Variants in SPIRE1 observed in about 807,000 individuals in gnomAD.
SPIRE1 encodes the protein protein spire homolog 1.
A neutral mutation model predicts 94.1 loss-of-function variants in SPIRE1; 40 were observed. That is an observed-to-expected ratio of 0.43 (90% CI 0.33 to 0.55). SPIRE1 has a LOEUF of 0.55. SPIRE1 is among the 20% of genes least tolerant of loss of function. The pLI is 0.06. For missense variants in SPIRE1, 838 were observed against 975.2 expected (o/e 0.86, Z 1.87); for synonymous variants, 376 against 371.7 (o/e 1.01, Z -0.13).
chr18:12,499,360 C>G (rs1475211612), intron 6 of SPIRE1, among the ~76,000 whole-genome samples: 1 of 152,038 alleles, frequency 6.6e-6, no homozygotes, highest in Non-Finnish European at 1.5e-5. Context: ...TTTTTTATAT[C>G]CTACACTGTT....
chr18:12,602,109 T>C (rs749407418), intron 2 of SPIRE1, among the ~76,000 whole-genome samples: 5 of 152,114 alleles, frequency 3.3e-5, no homozygotes, highest in African/African-American at 1.2e-4. Flanking sequence ...CATAAATACA[T>C]AGACATATAT....
chr18:12,477,729 G>T (rs982857797), intron 10 of SPIRE1, among the ~76,000 whole-genome samples: 5 of 152,110 alleles, frequency 3.3e-5, no homozygotes, highest in Non-Finnish European at 5.9e-5. Flanking sequence ...GACAAAGCGA[G>T]GCCACGCTGA....
intron 2 of SPIRE1, among the ~76,000 whole-genome samples, chr18:12,610,769 C>A (rs2037117254): frequency 6.6e-6 from 1 of 152,148 alleles, no homozygotes; most frequent in Non-Finnish European, 1.5e-5. Flanking sequence ...TTCTCTTCTT[C>A]CCTCCTGAAA....
chr18:12,522,544 A>C (rs2144105726), intron 4 of SPIRE1, among the ~76,000 whole-genome samples: 1 of 152,376 alleles, frequency 6.6e-6, no homozygotes, highest in Middle Eastern at 3.4e-3. Flanking sequence ...CATATTTTCA[A>C]TGTAGATGAA....
chr18:12,496,719 A>G (rs918661892), intron 6 of SPIRE1, among the ~76,000 whole-genome samples: 14 of 152,068 alleles, frequency 9.2e-5, no homozygotes, highest in African/African-American at 2.7e-4. Flanking sequence ...AATACAAAAA[A>G]TTAGCCGGGC....
At chr18:12,548,596 TTTTC>T (rs1406069117) in intron 2 of SPIRE1, among the ~76,000 whole-genome samples, 14 of 144,914 alleles carry the variant, frequency 9.7e-5, no homozygotes, top group Non-Finnish European at 1.7e-4. Flanking sequence ...GTAGCCATTC[TTTTC>T]TTTCTTTTTT....
At chr18:12,572,014 G>A (rs897928194) in intron 2 of SPIRE1, among the ~76,000 whole-genome samples, 1 of 152,236 alleles carries the variant, frequency 6.6e-6, no homozygotes, top group Non-Finnish European at 1.5e-5. Context: ...AGTTTAAACA[G>A]ACACCTGAAA....
intron 1 of SPIRE1, chr18:12,652,904 G>C (rs1282166151): frequency 6.6e-6 from 1 of 152,088 alleles, no homozygotes; most frequent in East Asian, 1.9e-4. Context: ...CTTCTAAAAG[G>C]ACTAAATGGA....
intron 2 of SPIRE1, among the ~76,000 whole-genome samples, chr18:12,602,548 T>C (rs1485863613): frequency 6.6e-6 from 1 of 152,190 alleles, no homozygotes. Context: ...GTTTTTGAGA[T>C]ATAGCCACTT....
At chr18:12,646,715 G>A (rs570466821) in intron 1 of SPIRE1, among the ~76,000 whole-genome samples, 13 of 152,200 alleles carry the variant, frequency 8.5e-5, no homozygotes, top group Admixed American at 3.3e-4. Flanking sequence ...GAGAAAATGG[G>A]AAATATGACA....
chr18:12,606,295 C>T (rs1338094771), intron 2 of SPIRE1, among the ~76,000 whole-genome samples: 1 of 151,762 alleles, frequency 6.6e-6, no homozygotes, highest in Non-Finnish European at 1.5e-5. Context: ...AACCCAGTGC[C>T]TAAAACAACT....
At position 12,559,937 on chromosome 18, in the gene SPIRE1, C is replaced by T. The variant is rs1266905362; in HGVS notation, c.373-13033G>A. Among the ~76,000 whole-genome samples, 1 of 152,100 alleles carries T rather than the reference C, an allele frequency of 6.6e-6. No homozygotes were observed. Among genetic ancestry groups the T allele is most frequent in the African/African-American group, 2.4e-5 (1 of 41,416 alleles). On this transcript the variant is annotated intron_variant, in intron 2 of 16. Coordinates refer to ENST00000409402, the MANE Select transcript of SPIRE1 (RefSeq NM_001128626.2). This position sits in a 1 kb window ranked among gnomAD's most constrained non-coding sequence, Gnocchi z 4.7. Reference sequence around the variant, plus strand: ...ATCTGATTAAAAATGGGCAAAAGATCCGAATAGACATTTCTCAAAGTAAGA... The same window carrying T: ...ATCTGATTAAAAATGGGCAAAAGATTCGAATAGACATTTCTCAAAGTAAGA...
intron 2 of SPIRE1, among the ~76,000 whole-genome samples, chr18:12,616,911 G>A (rs980555318): frequency 6.6e-6 from 1 of 152,078 alleles, no homozygotes; most frequent in African/African-American, 2.4e-5. Flanking sequence ...CCAGGCTGGA[G>A]TGCAGTGGTG....
chr18:12,648,904 A>G (rs1364775877), intron 1 of SPIRE1, among the ~76,000 whole-genome samples: 1 of 151,150 alleles, frequency 6.6e-6, no homozygotes, highest in African/African-American at 2.4e-5. Context: ...AAAAAAAAAA[A>G]AAAAAAAGAA....
At chr18:12,506,408 C>A in intron 6 of SPIRE1, 69 bp downstream of exon 6, 1 of 1,416,204 alleles carries the variant, frequency 7.1e-7, no homozygotes, top group Non-Finnish European at 9.9e-7. Context: ...ATCCACCTGC[C>A]TCGACCTCCC....
chr18:12,500,291 A>T (rs2033610388), intron 6 of SPIRE1, among the ~76,000 whole-genome samples: 1 of 152,342 alleles, frequency 6.6e-6, no homozygotes, highest in South Asian at 2.1e-4. Flanking sequence ...AAATGTAAAA[A>T]AATGAATACA....
Position 12,546,734 on chromosome 18 carries a change from C to T in SPIRE1, c.543G>A (p.Leu181=), listed in dbSNP as rs199634666. The change falls in exon 3 of 17, where the codon CTG becomes CTA. Residue 181 remains leucine, a synonymous_variant. Coordinates refer to ENST00000409402, the MANE Select transcript of SPIRE1 (RefSeq NM_001128626.2). ...TTTTTCTCTTTTCATCTTCATCTCC[C>T]AGGCCTTCTTCTGCAGCCTCATAGC... ...DEGYEAAEEG[L]GDEDEKRKIS... 3 of 1,614,102 alleles carry T rather than the reference C, an allele frequency of 1.9e-6. No homozygotes were observed. The African/African-American group carries it at 4.0e-5, about 22-fold the overall frequency.
intron 2 of SPIRE1, among the ~76,000 whole-genome samples, chr18:12,587,787 A>G (rs2036428449): frequency 6.6e-6 from 1 of 152,244 alleles, no homozygotes; most frequent in Admixed American, 6.5e-5. Flanking sequence ...CTTGAAATTA[A>G]GAATTCTTTC....
At chr18:12,600,102 C>CAAAAAAAAA (rs58628339) in intron 2 of SPIRE1, among the ~76,000 whole-genome samples, 1 of 118,468 alleles carries the variant, frequency 8.4e-6, no homozygotes, top group Non-Finnish European at 1.7e-5. Context: ...CAATGGCCAG[C>CAAAAAAAAA]AAAAAAAAAA....
Sources: allele counts gnomAD v4.1 joint callset (sites outside exome capture counted in the v4.1 genomes callset), GRCh38; gene constraint gnomAD v4.1.1; non-coding constraint Gnocchi (gnomAD v3.1); transcripts MANE v1.5; gene names NCBI Gene and HGNC (gene_info 2026-07-23, HGNC 2026-07-21).